Variants in DCDC2 observed in about 807,000 individuals in gnomAD.
DCDC2 encodes doublecortin domain containing 2, also known as doublecortin domain-containing protein 2.
Under a neutral mutation model 50.2 loss-of-function variants are expected in DCDC2, and 40 were observed. The observed-to-expected ratio is 0.80, with a 90% confidence interval of 0.62 to 1.04. The LOEUF is 1.04. DCDC2 is among the 50% of genes least tolerant of loss of function. DCDC2 has a pLI of 0.00. For synonymous variants in DCDC2, 234 were observed against 210.6 expected (o/e 1.11, Z -0.96); for missense variants, 570 against 581.9 (o/e 0.98, Z 0.21).
chr6:24,244,339 T>C (rs767557698), intron 7 of DCDC2, among the ~76,000 whole-genome samples: 4 of 152,194 alleles, frequency 2.6e-5, no homozygotes, highest in African/African-American at 4.8e-5. Flanking sequence ...TTCAAAAAAG[T>C]ATGTGATTCA....
At chr6:24,229,177 A>C (rs1762290680) in intron 7 of DCDC2, among the ~76,000 whole-genome samples, 1 of 152,106 alleles carries the variant, frequency 6.6e-6, no homozygotes, top group Non-Finnish European at 1.5e-5. Flanking sequence ...GGCACATCTC[A>C]CTGGGCTAAA....
At chr6:24,289,259 T>C (rs1763685916) in intron 5 of DCDC2, among the ~76,000 whole-genome samples, 2 of 152,338 alleles carry the variant, frequency 1.3e-5, no homozygotes, top group African/African-American at 4.8e-5. Context: ...CCAGACTGAG[T>C]TAAAAACAAA....
At chr6:24,213,165 T>C (rs1187420665) in intron 7 of DCDC2, among the ~76,000 whole-genome samples, 1 of 152,200 alleles carries the variant, frequency 6.6e-6, no homozygotes, top group African/African-American at 2.4e-5. Flanking sequence ...ATAATCCATA[T>C]TTTAATATAT....
intron 8 of DCDC2, among the ~76,000 whole-genome samples, chr6:24,187,639 T>C (rs573521048): frequency 6.6e-5 from 10 of 152,336 alleles, no homozygotes; most frequent in African/African-American, 2.4e-4. Flanking sequence ...TCTGGAAGTT[T>C]CTTGAAGTAA....
At chr6:24,340,651 A>G (rs1474514954) in intron 2 of DCDC2, among the ~76,000 whole-genome samples, 3 of 152,212 alleles carry the variant, frequency 2.0e-5, no homozygotes, top group African/African-American at 4.8e-5. Flanking sequence ...CAAGCCATGA[A>G]TATGGAGTTT....
the DCDC2 span, among the ~76,000 whole-genome samples, chr6:24,369,574 C>T: frequency 6.6e-6 from 1 of 151,678 alleles, no homozygotes; most frequent in African/African-American, 2.4e-5. Flanking sequence ...CGCGCCGCTG[C>T]ACTCAGCCTG....
intron 7 of DCDC2, among the ~76,000 whole-genome samples, chr6:24,242,899 T>C (rs2113792844): frequency 6.6e-6 from 1 of 151,554 alleles, no homozygotes; most frequent in African/African-American, 2.4e-5. Context: ...GAGGCACAAG[T>C]TGCAGTGAGC....
At chr6:24,358,971 ATT>A (rs1310683971), upstream of DCDC2, among the ~76,000 whole-genome samples, 64 of 58,250 alleles carry the variant, frequency 1.1e-3, no homozygotes, top group African/African-American at 5.6e-3. Context: ...TATATTATAT[ATT>A]TTATACATTA....
chr6:24,377,407 A>G, the DCDC2 span, among the ~76,000 whole-genome samples: 2 of 152,218 alleles, frequency 1.3e-5, no homozygotes, highest in African/African-American at 4.8e-5. Flanking sequence ...TTCAAAACAA[A>G]TACACATTCC....
upstream of DCDC2, among the ~76,000 whole-genome samples, chr6:24,359,222 TTTATA>T (rs1760589367): frequency 2.8e-5 from 1 of 35,584 alleles, no homozygotes; most frequent in Non-Finnish European, 4.3e-5. Flanking sequence ...TATTATATAT[TTTATA>T]TATTTTATAT....
the DCDC2 span, among the ~76,000 whole-genome samples, chr6:24,374,477 T>C: frequency 6.8e-6 from 1 of 146,690 alleles, no homozygotes; most frequent in Non-Finnish European, 1.5e-5. Context: ...CTACTTGGGA[T>C]GCTGAGGCAT....
In DCDC2 at chr6:24,357,556, G is replaced by T; in HGVS notation, c.195C>A (p.Ile65=). ...VQAPFGAVRN[I]YTPRTGHRIR... Reference sequence around the variant, plus strand: ...TTCGGTGGCCAGTCCGCGGGGTGTAGATGTTCCTGACGGCCCCAAAGGGTG... The same window carrying T: ...TTCGGTGGCCAGTCCGCGGGGTGTATATGTTCCTGACGGCCCCAAAGGGTG... Residue 65 remains isoleucine (I), a synonymous_variant, in exon 1 of 10, where the codon ATC becomes ATA. Transcript: ENST00000378454. The T allele has an allele frequency of 6.2e-7, 1 of 1,613,552 alleles. No homozygotes were observed. Among genetic ancestry groups the T allele is most frequent in the Non-Finnish European group, 8.5e-7 (1 of 1,180,034 alleles).
intron 8 of DCDC2, among the ~76,000 whole-genome samples, chr6:24,192,479 A>G (rs1057059247): frequency 2.0e-5 from 3 of 152,164 alleles, no homozygotes; most frequent in African/African-American, 7.2e-5. Flanking sequence ...AGATCAAAAC[A>G]TAGAGACAAA....
At chr6:24,343,600 T>C (rs925288649) in intron 2 of DCDC2, among the ~76,000 whole-genome samples, 2 of 152,212 alleles carry the variant, frequency 1.3e-5, no homozygotes, top group African/African-American at 2.4e-5. Flanking sequence ...TGCACAAGTA[T>C]CTAAACTGCC....
At chr6:24,262,985 T>C in intron 7 of DCDC2, among the ~76,000 whole-genome samples, 1 of 152,198 alleles carries the variant, frequency 6.6e-6, no homozygotes, top group Non-Finnish European at 1.5e-5. Context: ...ATATGGGCTC[T>C]TGTGTCACCC....
At chr6:24,350,365 G>A (rs1186202139) in intron 2 of DCDC2, among the ~76,000 whole-genome samples, 1 of 152,092 alleles carries the variant, frequency 6.6e-6, no homozygotes, top group Admixed American at 6.5e-5. Context: ...TCACTGAAAG[G>A]GTGTCCCAGC....
the DCDC2 span, among the ~76,000 whole-genome samples, chr6:24,370,540 C>T: frequency 6.6e-6 from 1 of 151,634 alleles, no homozygotes; most frequent in Non-Finnish European, 1.5e-5. Context: ...AAACCCCATC[C>T]CTACAAAAAA....
intron 5 of DCDC2, among the ~76,000 whole-genome samples, chr6:24,289,766 C>A (rs1763698849): frequency 6.6e-6 from 1 of 152,128 alleles, no homozygotes; most frequent in African/African-American, 2.4e-5. Context: ...AAGCTCTTGG[C>A]CAGCCTCTCC....
intron 4 of DCDC2, among the ~76,000 whole-genome samples, chr6:24,292,991 T>C (rs1048114535): frequency 1.3e-5 from 2 of 152,254 alleles, no homozygotes; most frequent in Non-Finnish European, 2.9e-5. Flanking sequence ...AAAATAGTTA[T>C]ATCTCAATCA....
Sources: allele counts gnomAD v4.1 joint callset (sites outside exome capture counted in the v4.1 genomes callset), GRCh38; gene constraint gnomAD v4.1.1; transcripts MANE v1.5; gene names NCBI Gene and HGNC (gene_info 2026-07-23, HGNC 2026-07-21).